The following ZDHHC14 variants were observed in gnomAD, a reference collection of about 807,000 sequenced individuals.
ZDHHC14 encodes zDHHC palmitoyltransferase 14, also known as palmitoyltransferase ZDHHC14.
A neutral mutation model predicts 47.7 loss-of-function variants in ZDHHC14; 16 were observed. That is an observed-to-expected ratio of 0.34 (90% CI 0.23 to 0.51). The LOEUF (loss-of-function observed/expected upper bound fraction) is 0.51. Ranked by LOEUF, ZDHHC14 falls within the 20% of genes least tolerant of loss-of-function variation. ZDHHC14 has a pLI of 0.97. For synonymous variants in ZDHHC14, 293 were observed against 278.9 expected, an observed-to-expected ratio of 1.05 and a Z score of -0.50; for missense variants, 515 against 662.5, an observed-to-expected ratio of 0.78 and a Z score of 2.44.
At chr6:157,669,149 A>G (rs1167700813) in intron 8 of ZDHHC14, among the ~76,000 whole-genome samples, 1 of 152,234 alleles carries the variant, frequency 6.6e-6, no homozygotes, top group Non-Finnish European at 1.5e-5. Flanking sequence ...CAACCCCAAC[A>G]GGGAACACAG....
intron 1 of ZDHHC14, among the ~76,000 whole-genome samples, chr6:157,410,326 G>C (rs1019004066): frequency 6.6e-6 from 1 of 152,140 alleles, no homozygotes; most frequent in Non-Finnish European, 1.5e-5. Flanking sequence ...AAAATAAATA[G>C]GGCTGGAATG....
chr6:157,673,400 A>T lies in ZDHHC14; in HGVS notation c.*278A>T. ...CTTTTGGTGACCCTCCAGGGGTGGA[A>T]TCGGAGTGTGTCTGCCCGCCCTTGT... On this transcript the variant is annotated 3_prime_UTR_variant, in exon 9 of 9. Coordinates refer to ENST00000359775, the MANE Select transcript of ZDHHC14 (RefSeq NM_024630.3). The surrounding 1 kb of genome is among the most constrained non-coding windows in gnomAD (Gnocchi z 5.4). The T allele has an allele frequency of 2.0e-6, 1 of 498,036 alleles. No individual in the cohort carries two copies. The highest frequency in any genetic ancestry group is 3.7e-5 in the East Asian group (1 of 27,136). The allele number at this position is 498,036 out of a possible 1,614,324, so 30.9% of individuals were successfully genotyped here. A position where few individuals can be genotyped will look rare whatever the true frequency, so the allele number is the denominator to read the frequency against.
intron 3 of ZDHHC14, among the ~76,000 whole-genome samples, chr6:157,625,958 A>G (rs1437218871): frequency 6.6e-6 from 1 of 152,196 alleles, no homozygotes; most frequent in African/African-American, 2.4e-5. Flanking sequence ...CTCCACGAGC[A>G]ACTGTCTCGT....
At chr6:157,560,248 T>C (rs765547685) in intron 2 of ZDHHC14, among the ~76,000 whole-genome samples, 1 of 152,224 alleles carries the variant, frequency 6.6e-6, no homozygotes, top group Non-Finnish European at 1.5e-5. Context: ...CGGGGCCGAC[T>C]GTTGCCACAT....
rs1318315241 is a variant in ZDHHC14 at position 157,651,552 on chromosome 6, C to T, written c.966-1973C>T. Among the ~76,000 whole-genome samples the T allele has an allele frequency of 2.8e-5, 4 of 141,592 alleles. No homozygotes were observed. In the East Asian group the frequency reaches 8.7e-4, roughly 31 times the overall value. 92.9% of individuals were successfully genotyped at this position (141,592 alleles called of 152,430 possible). ...TCATATCTTTCTGCACAGTTCAACCCGTGACGTTCCCTCAAGACCTCCTTT... is the reference window on the plus strand; with the variant it reads ...TCATATCTTTCTGCACAGTTCAACCTGTGACGTTCCCTCAAGACCTCCTTT... On this transcript the variant is annotated intron_variant, in intron 7 of 8. Transcript: ENST00000359775.
intron 1 of ZDHHC14, among the ~76,000 whole-genome samples, chr6:157,516,292 T>C (rs1367072638): frequency 1.3e-5 from 2 of 152,260 alleles, no homozygotes; most frequent in African/African-American, 2.4e-5. Flanking sequence ...GTAATAGCGA[T>C]GCTGTGAACA....
intron 1 of ZDHHC14, among the ~76,000 whole-genome samples, chr6:157,460,411 A>G (rs1163960364): frequency 2.9e-5 from 3 of 104,716 alleles, no homozygotes; most frequent in Non-Finnish European, 4.9e-5. Flanking sequence ...TCTGGAAAAA[A>G]AAAAAAAAAA....
At chr6:157,447,135 A>G (rs1270369832) in intron 1 of ZDHHC14, among the ~76,000 whole-genome samples, 2 of 152,056 alleles carry the variant, frequency 1.3e-5, no homozygotes, top group African/African-American at 4.8e-5. Context: ...AAAGAAAGAA[A>G]GAAAAAAAGA....
chr6:157,479,967 G>A (rs1197401089), intron 1 of ZDHHC14, among the ~76,000 whole-genome samples: 1 of 152,206 alleles, frequency 6.6e-6, no homozygotes, highest in Non-Finnish European at 1.5e-5. Flanking sequence ...GGAAAAAGGG[G>A]AAGCTGCCAG....
intron 3 of ZDHHC14, 66 bp downstream of exon 3, chr6:157,593,212 A>G (rs778788373): frequency 1.0e-5 from 16 of 1,524,396 alleles, no homozygotes; most frequent in South Asian, 2.6e-5. Flanking sequence ...CGCCTCTCCA[A>G]CCCTGCGCCA....
chr6:157,504,693 G>A (rs1163580500), intron 1 of ZDHHC14, among the ~76,000 whole-genome samples: 1 of 152,116 alleles, frequency 6.6e-6, no homozygotes. Flanking sequence ...TTACAGGCGT[G>A]AGCCACCGCG....
intron 3 of ZDHHC14, among the ~76,000 whole-genome samples, chr6:157,618,119 G>A (rs558650734): frequency 3.9e-5 from 6 of 152,240 alleles, no homozygotes; most frequent in South Asian, 2.1e-4. Flanking sequence ...ACTAGGCATC[G>A]TTTCTGGCCC....
At chr6:157,435,649 C>T (rs1001965362) in intron 1 of ZDHHC14, among the ~76,000 whole-genome samples, 1 of 152,118 alleles carries the variant, frequency 6.6e-6, no homozygotes, top group Admixed American at 6.5e-5. Context: ...AAGTGATCCT[C>T]CTGCCTCAGT....
intron 1 of ZDHHC14, among the ~76,000 whole-genome samples, chr6:157,465,434 C>T (rs774465226): frequency 3.9e-5 from 6 of 151,986 alleles, no homozygotes; most frequent in African/African-American, 7.2e-5. Context: ...GGTAAAAATG[C>T]CCAAGCCCAT....
At chr6:157,535,630 C>G (rs149945117) in intron 1 of ZDHHC14, among the ~76,000 whole-genome samples, 1 of 152,158 alleles carries the variant, frequency 6.6e-6, no homozygotes, top group South Asian at 2.1e-4. Context: ...TACAGGCATG[C>G]ATAGACTCCT....
chr6:157,513,360 G>A (rs4709346), intron 1 of ZDHHC14, among the ~76,000 whole-genome samples: 16,109 of 152,232 alleles, frequency 0.11, 1,026 homozygotes, highest in Admixed American at 0.14. Context: ...TGGTGGTGGC[G>A]TCCACACCTG....
intron 1 of ZDHHC14, among the ~76,000 whole-genome samples, chr6:157,493,262 T>C (rs1583705043): frequency 6.6e-6 from 1 of 152,268 alleles, no homozygotes; most frequent in African/African-American, 2.4e-5. Flanking sequence ...AAAGGCAAGT[T>C]GGGGACCCGT....
At chr6:157,517,116 C>T (rs948078435) in intron 1 of ZDHHC14, among the ~76,000 whole-genome samples, 7 of 152,138 alleles carry the variant, frequency 4.6e-5, no homozygotes, top group African/African-American at 1.2e-4. Context: ...TGAGGCCAAG[C>T]GAGGGCCTCA....
intron 2 of ZDHHC14, among the ~76,000 whole-genome samples, chr6:157,553,428 C>G (rs1438400833): frequency 6.6e-6 from 1 of 152,102 alleles, no homozygotes. Context: ...ATCACGGATG[C>G]CTTCAGGTCA....
Sources: allele counts gnomAD v4.1 joint callset (sites outside exome capture counted in the v4.1 genomes callset), GRCh38; gene constraint gnomAD v4.1.1; non-coding constraint Gnocchi (gnomAD v3.1); transcripts MANE v1.5; gene names NCBI Gene and HGNC (gene_info 2026-07-23, HGNC 2026-07-21).